ATP6V1C2: variants seen among roughly 807,000 people sequenced by gnomAD.
The protein encoded by ATP6V1C2 is V-type proton ATPase subunit C 2.
Under a neutral mutation model 56.8 loss-of-function variants are expected in ATP6V1C2, and 45 were observed. The observed-to-expected ratio is 0.79, with a 90% CI of 0.62 to 1.02. ATP6V1C2 has a LOEUF of 1.02. Ranked by LOEUF, ATP6V1C2 falls within the 50% of genes least tolerant of loss-of-function variation. ATP6V1C2 has a pLI of 0.00. For missense variants in ATP6V1C2, 463 were observed against 519.7 expected, an observed-to-expected ratio of 0.89 and a Z score of 1.06; for synonymous variants, 220 against 201.3, an observed-to-expected ratio of 1.09 and a Z score of -0.79.
chr2:10,737,197 T>C lies in ATP6V1C2; in HGVS notation c.197+10628T>C, dbSNP rs199641647. 6.0e-5 allele frequency among the ~76,000 whole-genome samples: 9 copies of C among 151,172 alleles called. No homozygotes were observed. In the East Asian group the frequency reaches 1.8e-3, roughly 29 times the overall value. The stretch of plus-strand genomic sequence containing the variant: ...TGGGAGGCTGAGGTGGGAGGATCAC[T>C]TGAGGCCAGGAGTTCGAGACCAGCC... On this transcript the variant is annotated intron_variant, in intron 3 of 13. Coordinates refer to ENST00000272238, the MANE Select transcript of ATP6V1C2 (RefSeq NM_001039362.2).
At chr2:10,732,502 C>T (rs372728172) in intron 3 of ATP6V1C2, among the ~76,000 whole-genome samples, 76 of 152,012 alleles carry the variant, frequency 5.0e-4, no homozygotes, top group African/African-American at 1.6e-3. Context: ...TCAGGTGATC[C>T]GCCAGCCTTG....
chr2:10,780,074 C>G lies in ATP6V1C2; in HGVS notation c.1061+1405C>G, dbSNP rs1665257008. 6.6e-6 allele frequency among the ~76,000 whole-genome samples: 1 copy of G among 152,240 alleles called. No individual in the cohort carries two copies. Among genetic ancestry groups the G allele is most frequent in the African/African-American group, 2.4e-5 (1 of 41,536 alleles). On this transcript the variant is annotated intron_variant, in intron 12 of 13. Transcript: ENST00000272238. The surrounding 1 kb of genome is among the most constrained non-coding windows in gnomAD (Gnocchi z 4.1). ...CTGAGGAGCTCCTCATCCCTCCCTG[C>G]CGTCCCCCTGGCTGATGTCCCCTAC...
intron 3 of ATP6V1C2, among the ~76,000 whole-genome samples, chr2:10,730,912 C>T (rs1661914501): frequency 6.6e-6 from 1 of 151,998 alleles, no homozygotes; most frequent in African/African-American, 2.4e-5. Context: ...CTTGGCCTCC[C>T]AAAGTGCTGG....
intron 3 of ATP6V1C2, among the ~76,000 whole-genome samples, chr2:10,739,973 G>GCACTGTAATC (rs79355332): frequency 6.6e-6 from 1 of 151,382 alleles, no homozygotes; most frequent in Admixed American, 6.6e-5. Flanking sequence ...TTGGTGGTGG[G>GCACTGTAATC]CAAGCTTGGG....
At position 10,780,494 on chromosome 2, in the gene ATP6V1C2, A is replaced by G. The variant is rs1340166448; in HGVS notation, c.1062-1749A>G. 2.6e-5 allele frequency among the ~76,000 whole-genome samples: 4 copies of G among 152,110 alleles called. No individual in the cohort carries two copies. The highest frequency in any genetic ancestry group is 4.4e-5 in the Non-Finnish European group (3 of 68,024). ...ATGCACCGCACCCACACCTGTACCC[A>G]TGCGCACCTGTGCACGCCCATCTCA... On this transcript the variant is annotated intron_variant, in intron 12 of 13. Transcript: ENST00000272238. This position sits in a 1 kb window ranked among gnomAD's most constrained non-coding sequence, Gnocchi z 4.1.
At chr2:10,754,445 C>T (rs566848593) in intron 4 of ATP6V1C2, among the ~76,000 whole-genome samples, 19 of 152,192 alleles carry the variant, frequency 1.2e-4, no homozygotes, top group African/African-American at 4.3e-4. Flanking sequence ...AGGCTGGCCT[C>T]AAGCTCCCAA....
At chr2:10,755,401 T>C (rs1442739229) in intron 4 of ATP6V1C2, among the ~76,000 whole-genome samples, 1 of 152,066 alleles carries the variant, frequency 6.6e-6, no homozygotes, top group East Asian at 1.9e-4. Flanking sequence ...AGGCTGGTCT[T>C]AAACTCCTGG....
chr2:10,749,800 C>T (rs908946374), intron 3 of ATP6V1C2, among the ~76,000 whole-genome samples: 1 of 151,944 alleles, frequency 6.6e-6, no homozygotes, highest in African/African-American at 2.4e-5. Flanking sequence ...TTATCTATAC[C>T]TGCACAAGTG....
At chr2:10,771,718 C>A in intron 6 of ATP6V1C2, 121 bp from the exon 7 acceptor site, 1 of 755,078 alleles carries the variant, frequency 1.3e-6, no homozygotes, top group Non-Finnish European at 2.4e-6. Flanking sequence ...TAGGCTCCAG[C>A]ATCCCTGGCA....
chr2:10,732,385 A>C (rs1456737899), intron 3 of ATP6V1C2, among the ~76,000 whole-genome samples: 1 of 151,784 alleles, frequency 6.6e-6, no homozygotes, highest in Non-Finnish European at 1.5e-5. Context: ...CAGCCTTCCA[A>C]ATAGCTGGAT....
intron 3 of ATP6V1C2, among the ~76,000 whole-genome samples, chr2:10,733,964 A>G (rs920084748): frequency 6.6e-6 from 1 of 152,172 alleles, no homozygotes; most frequent in Non-Finnish European, 1.5e-5. Context: ...GCTTAGTGAT[A>G]CGTGTGAGTC....
At chr2:10,743,706 C>G (rs949151758) in intron 3 of ATP6V1C2, among the ~76,000 whole-genome samples, 2 of 151,170 alleles carry the variant, frequency 1.3e-5, no homozygotes, top group Non-Finnish European at 2.9e-5. Context: ...TAAATTAGAC[C>G]GGGCGAGGTG....
chr2:10,779,061 A>G (rs1182376856), intron 12 of ATP6V1C2, among the ~76,000 whole-genome samples: 5 of 151,440 alleles, frequency 3.3e-5, no homozygotes, highest in Admixed American at 2.6e-4. Flanking sequence ...GGCAGTCCAG[A>G]GAGAAAACCA....
chr2:10,739,698 A>G (rs1196937601), intron 3 of ATP6V1C2, among the ~76,000 whole-genome samples: 1 of 152,146 alleles, frequency 6.6e-6, no homozygotes, highest in Admixed American at 6.6e-5. Context: ...CCCACTGTAT[A>G]AGTTATCTTT....
At chr2:10,781,524 T>G (rs1469207013) in intron 12 of ATP6V1C2, among the ~76,000 whole-genome samples, 1 of 152,108 alleles carries the variant, frequency 6.6e-6, no homozygotes, top group Non-Finnish European at 1.5e-5. Flanking sequence ...TAATAGGTCC[T>G]GCTCCCAGGA....
At chr2:10,750,963 T>C (rs1663182721) in intron 3 of ATP6V1C2, among the ~76,000 whole-genome samples, 1 of 152,220 alleles carries the variant, frequency 6.6e-6, no homozygotes. Flanking sequence ...TTGTTAGTGC[T>C]TGGTGCATAG....
chr2:10,773,626 G>A (rs1273195280), intron 8 of ATP6V1C2, among the ~76,000 whole-genome samples: 1 of 152,112 alleles, frequency 6.6e-6, no homozygotes, highest in African/African-American at 2.4e-5. Context: ...CAGGTGATCC[G>A]CCTGCCTCAG....
intron 3 of ATP6V1C2, among the ~76,000 whole-genome samples, chr2:10,750,408 C>T (rs561921711): frequency 6.6e-6 from 1 of 151,946 alleles, no homozygotes; most frequent in South Asian, 2.1e-4. Flanking sequence ...TCCAGCTACT[C>T]AGGAGGCTGA....
At position 10,772,555 on chromosome 2, in the gene ATP6V1C2, C is replaced by A. The variant is rs1664691229; in HGVS notation, c.583C>A (p.Gln195Lys). The A allele has an allele frequency of 6.2e-7, 1 of 1,614,024 alleles. No homozygotes were observed. The highest frequency in any genetic ancestry group is 8.5e-7 in the Non-Finnish European group (1 of 1,179,910). The change falls in exon 8 of 14, where the codon CAA (glutamine) becomes AAA (lysine). Residue 195 changes from glutamine to lysine, a missense_variant. Transcript: ENST00000272238. ...ATGTTCTTGCAGACCAAACTACTCACAATGGCAAAAAACCTACGAATCTCT... is the reference window on the plus strand; with the variant it reads ...ATGTTCTTGCAGACCAAACTACTCAAAATGGCAAAAAACCTACGAATCTCT... ...LVIVPKPNYS[Q>K]WQKTYESLSD...
Sources: gnomAD v4.1 joint callset for allele counts (sites outside exome capture counted in the v4.1 genomes callset) on GRCh38, gnomAD v4.1.1 for gene constraint, Gnocchi (gnomAD v3.1) non-coding constraint, MANE v1.5 for transcripts, NCBI Gene and HGNC (gene_info 2026-07-23, HGNC 2026-07-21) for gene names.